GRIA3: variants seen among roughly 807,000 people sequenced by gnomAD.
GRIA3 encodes the protein glutamate receptor 3.
Under a neutral mutation model 63.0 loss-of-function variants are expected in GRIA3, and 3 were observed. The observed-to-expected ratio is 0.05, with a 90% CI of 0.02 to 0.12. The LOEUF (loss-of-function observed/expected upper bound fraction) is 0.12. Among genes scored for constraint, GRIA3 ranks in the 10% least tolerant of loss-of-function variants. The probability of loss-of-function intolerance (pLI) is 1.00; values close to 1 mark genes in which losing one functional copy is unlikely to be tolerated. For missense variants in GRIA3, 347 were observed against 700.9 expected (o/e 0.50, Z 5.70); for synonymous variants, 274 against 257.9 (o/e 1.06, Z -0.60).
chrX:123,438,578 A>C (rs1191614847), intron 12 of GRIA3, among the ~76,000 whole-genome samples: 1 of 111,898 alleles, frequency 8.9e-6, no homozygotes, highest in Non-Finnish European at 1.9e-5. Flanking sequence ...GCTGGAGTGC[A>C]GTGGCACAAT....
At chrX:123,210,454 C>T (rs1392617752) in intron 2 of GRIA3, among the ~76,000 whole-genome samples, 4 of 111,434 alleles carry the variant, frequency 3.6e-5, no homozygotes, top group African/African-American at 1.3e-4. Flanking sequence ...CTTCTGCTGA[C>T]ACTTCACTTT....
chrX:123,394,901 T>C (rs1262658436), intron 5 of GRIA3, 67 bp from the exon 6 acceptor site: 5 of 798,155 alleles, frequency 6.3e-6, no homozygotes, highest in Non-Finnish European at 9.6e-6. Flanking sequence ...TCCTTAGCAC[T>C]CTAACAGATA....
chrX:123,299,631 G>A (rs978422465), intron 3 of GRIA3, among the ~76,000 whole-genome samples: 12 of 111,444 alleles, frequency 1.1e-4, no homozygotes, highest in African/African-American at 3.6e-4. Flanking sequence ...CTTTGGGGCT[G>A]AGACTATGGA....
At chrX:123,286,127 C>T (rs922948462) in intron 3 of GRIA3, among the ~76,000 whole-genome samples, 6 of 111,786 alleles carry the variant, frequency 5.4e-5, no homozygotes, top group African/African-American at 9.8e-5. Context: ...CTCAAAACTG[C>T]GCGACTACCT....
chrX:123,264,228 G>T (rs1177270850), intron 3 of GRIA3, among the ~76,000 whole-genome samples: 1 of 112,121 alleles, frequency 8.9e-6, no homozygotes, highest in Non-Finnish European at 1.9e-5. Context: ...CAGAAATAGA[G>T]GAAACTTCTC....
At chrX:123,343,573 A>AAGAG (rs1220921559) in intron 4 of GRIA3, among the ~76,000 whole-genome samples, 1 of 107,131 alleles carries the variant, frequency 9.3e-6, no homozygotes, top group East Asian at 2.9e-4. Flanking sequence ...GAGAGAAAGC[A>AAGAG]AGAGAGAGAG....
At chrX:123,186,054 C>T in intron 2 of GRIA3, 64 bp downstream of exon 2, 1 of 935,871 alleles carries the variant, frequency 1.1e-6, no homozygotes, top group East Asian at 3.1e-5. Context: ...TTTCTTGTGG[C>T]ACTTAGGGTC....
At chrX:123,216,369 G>A (rs1249854158) in intron 2 of GRIA3, among the ~76,000 whole-genome samples, 1 of 112,335 alleles carries the variant, frequency 8.9e-6, no homozygotes, top group Non-Finnish European at 1.9e-5. Flanking sequence ...GGGATGTGAG[G>A]TTTCAGCGAT....
At chrX:123,344,021 G>A (rs2045027398) in intron 4 of GRIA3, among the ~76,000 whole-genome samples, 1 of 111,571 alleles carries the variant, frequency 9.0e-6, no homozygotes, top group South Asian at 3.8e-4. Context: ...TACTCTTAAT[G>A]TACAGATGTG....
chrX:123,476,553 C>A (rs921534116), intron 13 of GRIA3, among the ~76,000 whole-genome samples: 3 of 111,887 alleles, frequency 2.7e-5, no homozygotes, highest in African/African-American at 9.7e-5. Context: ...AAAGTACTTT[C>A]TTTTCTTGGC....
chrX:123,286,356 GA>G (rs1329304258), intron 3 of GRIA3, among the ~76,000 whole-genome samples: 7 of 111,462 alleles, frequency 6.3e-5, no homozygotes. Context: ...ACAATTAAAA[GA>G]ACTAGAGAAG....
chrX:123,247,075 T>A (rs1377087297), intron 2 of GRIA3, among the ~76,000 whole-genome samples: 1 of 111,687 alleles, frequency 9.0e-6, no homozygotes, highest in African/African-American at 3.3e-5. Flanking sequence ...TTCACTGTAC[T>A]ATGAAGGAAT....
chrX:123,280,597 G>C (rs1173698763), intron 3 of GRIA3, among the ~76,000 whole-genome samples: 1 of 111,779 alleles, frequency 8.9e-6, no homozygotes, highest in East Asian at 2.8e-4. Flanking sequence ...TGAAATGTCT[G>C]GTTTCATGTC....
At chrX:123,269,334 T>A (rs2044506756) in intron 3 of GRIA3, among the ~76,000 whole-genome samples, 1 of 112,144 alleles carries the variant, frequency 8.9e-6, no homozygotes, top group Non-Finnish European at 1.9e-5. Flanking sequence ...GTTACATCCA[T>A]GAAAGGCACC....
At chrX:123,228,733 G>T (rs2044261372) in intron 2 of GRIA3, among the ~76,000 whole-genome samples, 1 of 110,977 alleles carries the variant, frequency 9.0e-6, no homozygotes, top group South Asian at 3.9e-4. Flanking sequence ...CAGTAACTAG[G>T]CAAGGACACA....
chrX:123,337,010 G>A (rs769600526), intron 4 of GRIA3, among the ~76,000 whole-genome samples: 1 of 112,044 alleles, frequency 8.9e-6, no homozygotes, highest in East Asian at 2.8e-4. Flanking sequence ...TGGTCACTGA[G>A]CTTGAGACTC....
At chrX:123,316,852 T>C (rs1486955864) in intron 3 of GRIA3, among the ~76,000 whole-genome samples, 1 of 112,363 alleles carries the variant, frequency 8.9e-6, no homozygotes, top group Admixed American at 9.4e-5. Flanking sequence ...ATTATAATAC[T>C]ATACTTTTAC....
intron 5 of GRIA3, among the ~76,000 whole-genome samples, chrX:123,372,388 T>G (rs1569426489): frequency 1.8e-5 from 2 of 111,986 alleles, no homozygotes; most frequent in African/African-American, 6.5e-5. Flanking sequence ...GTTTTAGGAT[T>G]GTTTTTTCTA....
chrX:123,423,941 C>A (rs780030934), intron 11 of GRIA3, among the ~76,000 whole-genome samples: 2 of 111,700 alleles, frequency 1.8e-5, no homozygotes, highest in Non-Finnish European at 3.8e-5. Flanking sequence ...ACGTATTTTG[C>A]AGTGCTTTTT....
Sources: gnomAD v4.1 joint callset for allele counts (sites outside exome capture counted in the v4.1 genomes callset) on GRCh38, gnomAD v4.1.1 for gene constraint, MANE v1.5 for transcripts, NCBI Gene and HGNC (gene_info 2026-07-23, HGNC 2026-07-21) for gene names.